ABCC4: variants seen among roughly 807,000 people sequenced by gnomAD.
ABCC4 encodes the protein ATP-binding cassette sub-family C member 4.
ABCC4 carries 102 observed loss-of-function variants against 168.5 expected under a neutral mutation model. The ratio of observed to expected loss-of-function variants is 0.61; its 90% confidence interval spans 0.52 to 0.71. The LOEUF is 0.71. Ranked by LOEUF, ABCC4 falls within the 30% of genes least tolerant of loss-of-function variation. The pLI, the probability that ABCC4 is intolerant of heterozygous loss-of-function variation, is 0.00. For synonymous variants in ABCC4, 617 were observed against 590.7 expected (o/e 1.04, Z -0.65); for missense variants, 1,402 against 1,605.8 (o/e 0.87, Z 2.17).
Position 95,044,202 on chromosome 13 carries a change from T to C in ABCC4, c.3629+64A>G, listed in dbSNP as rs971449917. The C allele has an allele frequency of 2.8e-6, 4 of 1,408,882 alleles. No individual in the cohort carries two copies. In the African/African-American group the frequency reaches 5.8e-5, roughly 20 times the overall value. The allele number at this position is 1,408,882 out of a possible 1,614,324, so 87.3% of individuals were successfully genotyped here. A position where few individuals can be genotyped will look rare whatever the true frequency, so the allele number is the denominator to read the frequency against. On this transcript the variant is annotated intron_variant, in intron 28 of 30. Transcript: ENST00000645237. ...ACTTAGAAATATTTCTCAGAATCAT[T>C]CCATGTTTCCCATTTACACACTTAA... is the stretch of plus-strand genomic sequence containing the variant.
chr13:95,030,783 A>C (rs1292238857), intron 30 of ABCC4, among the ~76,000 whole-genome samples: 2 of 152,208 alleles, frequency 1.3e-5, no homozygotes, highest in East Asian at 3.9e-4. Context: ...GCTGTGGGTT[A>C]AGCCAGCTAG....
At chr13:95,166,010 A>T in intron 15 of ABCC4, 148 bp downstream of exon 15, 2 of 758,544 alleles carry the variant, frequency 2.6e-6, no homozygotes, top group Non-Finnish European at 4.3e-6. Flanking sequence ...GTTCCGTTTT[A>T]ATCTACCAAT....
At chr13:95,177,604 C>T (rs577283862) in intron 13 of ABCC4, 103 bp downstream of exon 13, 33 of 842,904 alleles carry the variant, frequency 3.9e-5, no homozygotes, top group African/African-American at 3.6e-4. Flanking sequence ...GGGAGGGGAG[C>T]GGACACCAGA....
rs1415176622 is a variant in ABCC4 at position 95,044,426 on chromosome 13, C to T, written c.3469G>A (p.Glu1157Lys). 3 of 1,610,818 alleles carry T rather than the reference C, an allele frequency of 1.9e-6. No homozygotes were observed. In the African/African-American group the frequency reaches 4.0e-5, roughly 22 times the overall value. ...TTACCAGGAAGATCTTCAATGGTTT[C>T]TTTAAGTTGTACCTGTAGATGTACA... ...WNALQEVQLK[E>K]TIEDLPGKMD... Residue 1157 changes from glutamate (E) to lysine (K), a missense_variant, in exon 28 of 31, where the codon GAA becomes AAA. By Grantham distance (56) the Glu-to-Lys change is moderately conservative. Transcript: ENST00000645237.
intron 22 of ABCC4, 60 bp downstream of exon 22, chr13:95,075,372 G>GA (rs1440268189): frequency 3.1e-6 from 5 of 1,608,658 alleles, no homozygotes; most frequent in African/African-American, 1.3e-5. Context: ...GACCAGGGAG[G>GA]TTAAGCCAGA....
At chr13:95,263,215 A>G (rs987226052) in intron 1 of ABCC4, among the ~76,000 whole-genome samples, 1 of 152,192 alleles carries the variant, frequency 6.6e-6, no homozygotes, top group African/African-American at 2.4e-5. Context: ...ATATATTAAA[A>G]AAGGTGTCTC....
At chr13:95,067,691 C>T (rs545402255) in intron 25 of ABCC4, among the ~76,000 whole-genome samples, 1 of 152,068 alleles carries the variant, frequency 6.6e-6, no homozygotes, top group African/African-American at 2.4e-5. Flanking sequence ...AGGGGTTTCT[C>T]AGCAAACATT....
intron 1 of ABCC4, among the ~76,000 whole-genome samples, chr13:95,299,449 G>A (rs1271778200): frequency 6.6e-6 from 1 of 151,912 alleles, no homozygotes; most frequent in African/African-American, 2.4e-5. Flanking sequence ...TACCACAATC[G>A]AAACAAGAGT....
chr13:95,074,376 G>A (rs1377159562), intron 22 of ABCC4, 52 bp from the exon 23 acceptor site: 1 of 1,444,792 alleles, frequency 6.9e-7, no homozygotes, highest in South Asian at 1.2e-5. Context: ...GAATGTGCGA[G>A]TGTGTTTTGC....
chr13:95,257,305 TG>T (rs1293445852), intron 1 of ABCC4, among the ~76,000 whole-genome samples: 1 of 152,146 alleles, frequency 6.6e-6, no homozygotes, highest in Non-Finnish European at 1.5e-5. Context: ...ATCTTCACAT[TG>T]AATAGGCTGA....
intron 1 of ABCC4, among the ~76,000 whole-genome samples, chr13:95,253,042 A>C (rs1302976384): frequency 6.6e-6 from 1 of 152,148 alleles, no homozygotes; most frequent in Non-Finnish European, 1.5e-5. Context: ...AATGCCTTTT[A>C]TTCCTCATTC....
chr13:95,207,993 A>T, intron 6 of ABCC4, 68 bp from the exon 7 acceptor site: 1 of 1,555,458 alleles, frequency 6.4e-7, no homozygotes, highest in Non-Finnish European at 8.7e-7. Context: ...CGGCAGGCAC[A>T]GGCAGGGACC....
chr13:95,121,158 G>A lies in ABCC4; in HGVS notation c.2456-5157C>T, dbSNP rs138015290. ...CCTCCTCGGAGGCTCAGTAGCAACAGGACTCAACAATACAGGGCAACTCAC... is the reference window on the plus strand; with the variant it reads ...CCTCCTCGGAGGCTCAGTAGCAACAAGACTCAACAATACAGGGCAACTCAC... On this transcript the variant is annotated intron_variant, in intron 19 of 30. Coordinates refer to ENST00000645237, the MANE Select transcript of ABCC4 (RefSeq NM_005845.5). 9.3e-4 allele frequency among the ~76,000 whole-genome samples: 142 copies of A among 152,232 alleles called. 1 individual carries two copies. Among genetic ancestry groups the A allele is most frequent in the Non-Finnish European group, 1.6e-4 (11 of 68,018 alleles).
chr13:95,110,335 A>G (rs886201077), intron 20 of ABCC4, among the ~76,000 whole-genome samples: 3 of 151,352 alleles, frequency 2.0e-5, no homozygotes, highest in Non-Finnish European at 2.9e-5. Flanking sequence ...AATGAGATAT[A>G]TTGAAAAGAA....
intron 19 of ABCC4, among the ~76,000 whole-genome samples, chr13:95,154,366 T>C (rs141200470): frequency 4.6e-5 from 7 of 152,266 alleles, no homozygotes; most frequent in African/African-American, 1.4e-4. Flanking sequence ...AAAAGCAATA[T>C]AGGCAAGATT....
intron 1 of ABCC4, among the ~76,000 whole-genome samples, chr13:95,262,446 T>C (rs113356106): frequency 0.011 from 1,625 of 152,282 alleles, 14 homozygotes; most frequent in Middle Eastern, 0.044. Flanking sequence ...GAGAAATCAA[T>C]ATACACTGAT....
At chr13:95,211,405 G>C (rs3782966) in intron 4 of ABCC4, among the ~76,000 whole-genome samples, 1 of 151,934 alleles carries the variant, frequency 6.6e-6, no homozygotes, top group East Asian at 1.9e-4. Flanking sequence ...GGGACAGTTC[G>C]AACTGAGGGA....
chr13:95,208,951 G>A (rs773804886), intron 6 of ABCC4, among the ~76,000 whole-genome samples: 4 of 152,100 alleles, frequency 2.6e-5, no homozygotes, highest in Non-Finnish European at 4.4e-5. Flanking sequence ...TATGCTACTA[G>A]GACTGTGTGA....
intron 19 of ABCC4, among the ~76,000 whole-genome samples, chr13:95,132,458 C>T (rs371503694): frequency 2.6e-5 from 4 of 152,072 alleles, no homozygotes; most frequent in African/African-American, 9.7e-5. Context: ...TCAAGTTGAT[C>T]CACCCACCTC....
Sources: allele counts gnomAD v4.1 joint callset (sites outside exome capture counted in the v4.1 genomes callset), GRCh38; gene constraint gnomAD v4.1.1; transcripts MANE v1.5; gene names NCBI Gene and HGNC (gene_info 2026-07-23, HGNC 2026-07-21).